The following PDE5A variants were observed in gnomAD, a reference collection of about 807,000 sequenced individuals.
PDE5A encodes the protein phosphodiesterase 5A, also known as cGMP-specific 3',5'-cyclic phosphodiesterase.
A neutral mutation model predicts 110.2 loss-of-function variants in PDE5A; 67 were observed. The observed-to-expected ratio is 0.61, with a 90% CI of 0.50 to 0.75. The LOEUF is 0.75. Among genes scored for constraint, PDE5A ranks in the 30% least tolerant of loss-of-function variants. The probability of loss-of-function intolerance (pLI) is 0.00; values close to 1 mark genes in which losing one functional copy is unlikely to be tolerated. For missense variants in PDE5A, 862 were observed against 1,045.1 expected (o/e 0.82, Z 2.42); for synonymous variants, 328 against 351.2 (o/e 0.93, Z 0.74).
chr4:119,500,671 G>GAATCT (rs764448991), intron 20 of PDE5A, among the ~76,000 whole-genome samples: 1 of 151,960 alleles, frequency 6.6e-6, no homozygotes, highest in Non-Finnish European at 1.5e-5. Context: ...GTTTTAGGGA[G>GAATCT]AATCTATTTG....
intron 19 of PDE5A, among the ~76,000 whole-genome samples, chr4:119,502,060 A>C (rs1380672701): frequency 6.6e-6 from 1 of 152,140 alleles, no homozygotes; most frequent in East Asian, 1.9e-4. Context: ...TGGTGGTGGC[A>C]TGACATCTGG....
At chr4:119,616,658 G>T (rs1485637517) in intron 1 of PDE5A, among the ~76,000 whole-genome samples, 1 of 151,954 alleles carries the variant, frequency 6.6e-6, no homozygotes, top group African/African-American at 2.4e-5. Flanking sequence ...GGTTCCAGCA[G>T]CTGCTGCAGG....
In PDE5A at chr4:119,610,955, G is replaced by T. The variant is rs1445969774; in HGVS notation, c.153-3658C>A. Reference sequence around the variant, plus strand: ...TTCAGCAAAGTATGTCAACATCTTAGCTACCCTACTTGGCTTTTCATTGAA... The same window carrying T: ...TTCAGCAAAGTATGTCAACATCTTATCTACCCTACTTGGCTTTTCATTGAA... On this transcript the variant is annotated intron_variant, in intron 1 of 20. Coordinates refer to ENST00000354960, the MANE Select transcript of PDE5A (RefSeq NM_001083.4). Among the ~76,000 whole-genome samples the T allele has an allele frequency of 3.9e-5, 6 of 152,244 alleles. No individual in the cohort carries two copies. The East Asian group carries it at 1.2e-3, about 29-fold the overall frequency.
At chr4:119,596,696 T>C (rs1729164784) in intron 2 of PDE5A, 84 bp from the exon 3 acceptor site, 2 of 759,308 alleles carry the variant, frequency 2.6e-6, no homozygotes, top group Non-Finnish European at 4.3e-6. Context: ...ATTAGAGAAA[T>C]CTAACCTTGG....
chr4:119,608,271 A>G (rs1729612396), intron 1 of PDE5A, among the ~76,000 whole-genome samples: 1 of 152,236 alleles, frequency 6.6e-6, no homozygotes, highest in African/African-American at 2.4e-5. Context: ...AACTGAAGGC[A>G]TTTATGTTTT....
rs1725072628 is a variant in PDE5A at position 119,496,422 on chromosome 4, A to G, written c.*2179T>C. 6.6e-6 allele frequency: 1 copy of G among 152,160 alleles called. No homozygotes were observed. The highest frequency in any genetic ancestry group is 2.1e-4 in the South Asian group (1 of 4,832). The allele number at this position is 152,160 out of a possible 1,614,324, so 9.4% of individuals were successfully genotyped here. A position where few individuals can be genotyped will look rare whatever the true frequency, so the allele number is the denominator to read the frequency against. ...AATAGGCATTGCCCAGCTTCCTTTA[A>G]TGTCTCAACTAGTAAAGTAAAATAA... On this transcript the variant is annotated 3_prime_UTR_variant, in exon 21 of 21. Transcript: ENST00000354960.
At chr4:119,584,733 CCT>C (rs2110524771) in intron 3 of PDE5A, among the ~76,000 whole-genome samples, 1 of 152,220 alleles carries the variant, frequency 6.6e-6, no homozygotes, top group East Asian at 1.9e-4. Flanking sequence ...CTTGATCTTG[CCT>C]CTGTCTACCT....
In PDE5A at chr4:119,518,319, T is replaced by G. The variant is rs190834844; in HGVS notation, c.2000+726A>C. 3.9e-5 allele frequency among the ~76,000 whole-genome samples: 6 copies of G among 152,326 alleles called. No homozygotes were observed. In the East Asian group the frequency reaches 1.2e-3, roughly 29 times the overall value. ...AAAATATCACAGTGGCTCAAACATT[T>G]GATGAAAAGTGATGTCACCTTTATC... On this transcript the variant is annotated intron_variant, in intron 14 of 20. Coordinates refer to ENST00000354960, the MANE Select transcript of PDE5A (RefSeq NM_001083.4).
At chr4:119,609,004 C>CA (rs1228944349) in intron 1 of PDE5A, among the ~76,000 whole-genome samples, 8 of 151,220 alleles carry the variant, frequency 5.3e-5, no homozygotes, top group Non-Finnish European at 1.0e-4. Context: ...ACTAAAAATA[C>CA]AAAAAAAATT....
At chr4:119,549,451 C>T (rs1727260522) in intron 9 of PDE5A, 1 of 152,168 alleles carries the variant, frequency 6.6e-6, no homozygotes, top group African/African-American at 2.4e-5. Context: ...ATTTCTTTCT[C>T]ATATTTCTCT....
intron 18 of PDE5A, among the ~76,000 whole-genome samples, chr4:119,503,627 A>G (rs907801320): frequency 1.3e-5 from 2 of 152,140 alleles, no homozygotes; most frequent in Non-Finnish European, 2.9e-5. Context: ...TTATATTCCA[A>G]ATCCAAAAAT....
intron 14 of PDE5A, among the ~76,000 whole-genome samples, chr4:119,516,011 C>T (rs535162245): frequency 6.6e-6 from 1 of 152,300 alleles, no homozygotes; most frequent in Non-Finnish European, 1.5e-5. Context: ...CATTCCTAAT[C>T]AGTGTGAACC....
rs200428296 is a variant in PDE5A, at chr4:119,562,897, G to A, written c.1067C>T (p.Ala356Val). ...CACTTGCATGAAAGAGATAATAGTGGCAGCTATTTTCTTCAAAATTACTTC... is the reference window on the plus strand; with the variant it reads ...CACTTGCATGAAAGAGATAATAGTGACAGCTATTTTCTTCAAAATTACTTC... ...SLEVILKKIA[A>V]TIISFMQVQK... Residue 356 changes from alanine to valine, a missense_variant, in exon 6 of 21, where the codon GCC becomes GTC. Transcript: ENST00000354960. The A allele has an allele frequency of 6.4e-5, 102 of 1,599,712 alleles. No individual in the cohort carries two copies. Among genetic ancestry groups the A allele is most frequent in the Non-Finnish European group, 7.8e-5 (91 of 1,173,956 alleles).
chr4:119,503,816 T>C (rs559651085), intron 18 of PDE5A, among the ~76,000 whole-genome samples: 91 of 152,256 alleles, frequency 6.0e-4, no homozygotes, highest in Non-Finnish European at 9.9e-4. Flanking sequence ...ACAAATATTA[T>C]GTGCAAATGC....
At position 119,525,579 on chromosome 4, in the gene PDE5A, G is replaced by A. The variant is rs1328761201; in HGVS notation, c.1749C>T (p.Asn583=). 1 of 1,613,162 alleles carries A rather than the reference G, an allele frequency of 6.2e-7. No individual in the cohort carries two copies. The highest frequency in any genetic ancestry group is 8.5e-7 in the Non-Finnish European group (1 of 1,179,460). Residue 583 remains asparagine (N), a synonymous_variant, in exon 12 of 21, where the codon AAC becomes AAT. Coordinates refer to ENST00000354960, the MANE Select transcript of PDE5A (RefSeq NM_001083.4). This position sits in a 1 kb window ranked among gnomAD's most constrained non-coding sequence, Gnocchi z 4.3. The part of the protein sequence containing the change: ...LCTIRMFTDL[N]LVQNFQMKHE... ...GTTTCATCTGGAAGTTCTGCACAAG[G>A]TTGAGGTCAGTAAACATCCGAATTG... is the stretch of plus-strand genomic sequence containing the variant.
rs1232242405 is a variant in PDE5A at position 119,507,683 on chromosome 4, G to A, written c.2110C>T (p.Leu704Phe). 6.3e-7 allele frequency: 1 copy of A among 1,583,438 alleles called. No individual in the cohort carries two copies. The highest frequency in any genetic ancestry group is 1.9e-5 in the Admixed American group (1 of 51,670). Residue 704 changes from leucine (L) to phenylalanine (F), a missense_variant, in exon 16 of 21, where the codon CTC becomes TTC. Coordinates refer to ENST00000354960, the MANE Select transcript of PDE5A (RefSeq NM_001083.4). ...NSPGNQILSG[L>F]SIEEYKTTLK... is the part of the protein sequence containing the mutation. ...GTGGTCTTATATTCTTCAATGGAGA[G>A]GCCACTGAGAATCTGATTGCCCTTT...
At chr4:119,574,289 T>A (rs1728248257) in intron 3 of PDE5A, among the ~76,000 whole-genome samples, 1 of 146,932 alleles carries the variant, frequency 6.8e-6, no homozygotes. Flanking sequence ...TTCAAGCAAT[T>A]CTCCTGCCTC....
intron 3 of PDE5A, among the ~76,000 whole-genome samples, chr4:119,577,703 A>T (rs1238239432): frequency 1.3e-5 from 2 of 152,202 alleles, no homozygotes; most frequent in African/African-American, 4.8e-5. Context: ...AATAAGAGCT[A>T]TCTATGACAA....
intron 1 of PDE5A, among the ~76,000 whole-genome samples, chr4:119,609,837 C>G (rs1036626425): frequency 9.9e-5 from 15 of 152,102 alleles, no homozygotes; most frequent in African/African-American, 3.6e-4. Flanking sequence ...CTTGACTTAG[C>G]CATTCCACAA....
Sources: allele counts gnomAD v4.1 joint callset (sites outside exome capture counted in the v4.1 genomes callset), GRCh38; gene constraint gnomAD v4.1.1; non-coding constraint Gnocchi (gnomAD v3.1); transcripts MANE v1.5; gene names NCBI Gene and HGNC (gene_info 2026-07-23, HGNC 2026-07-21).